Variants in SPATA13 observed in about 807,000 individuals in gnomAD.
SPATA13 encodes spermatogenesis-associated protein 13.
SPATA13 carries 50 observed loss-of-function variants against 104.0 expected under a neutral mutation model. The ratio of observed to expected loss-of-function variants is 0.48; its 90% CI spans 0.38 to 0.61. SPATA13 has a LOEUF of 0.61. Among genes scored for constraint, SPATA13 ranks in the 20% least tolerant of loss-of-function variants. The pLI is 0.00. For synonymous variants in SPATA13, 606 were observed against 667.5 expected (o/e 0.91, Z 1.42); for missense variants, 1,524 against 1,690.6 (o/e 0.90, Z 1.73).
intron 3 of SPATA13, among the ~76,000 whole-genome samples, chr13:24,106,623 A>G (rs548089873): frequency 3.9e-5 from 6 of 152,304 alleles, no homozygotes. Flanking sequence ...AGTACTGACA[A>G]TTCGGTGATT....
At chr13:24,092,432 T>C (rs7984719) in intron 3 of SPATA13, among the ~76,000 whole-genome samples, 12,772 of 152,238 alleles carry the variant, frequency 0.084, 584 homozygotes, top group African/African-American at 0.11. Flanking sequence ...ATAACTGGAA[T>C]AAAAAGAGAT....
At chr13:24,269,892 AT>A (rs201659647) in intron 4 of SPATA13, among the ~76,000 whole-genome samples, 87 of 142,804 alleles carry the variant, frequency 6.1e-4, no homozygotes, top group Non-Finnish European at 5.4e-4. Flanking sequence ...CCCAGACCTA[AT>A]TTTTTTTTTT....
chr13:24,247,478 C>CTTTTTTTT (rs10625714), intron 2 of SPATA13, among the ~76,000 whole-genome samples: 15,030 of 86,108 alleles, frequency 0.17, 3,555 homozygotes, highest in Admixed American at 0.24. Context: ...TCCACATTCA[C>CTTTTTTTT]TTTTTTTTTT....
intron 3 of SPATA13, among the ~76,000 whole-genome samples, chr13:24,044,016 C>T (rs77599100): frequency 6.6e-6 from 1 of 152,072 alleles, no homozygotes; most frequent in African/African-American, 2.4e-5. Context: ...TTGCTTTTCA[C>T]AGGGTGCTCT....
intron 3 of SPATA13, among the ~76,000 whole-genome samples, chr13:24,041,926 T>C (rs1877944195): frequency 6.6e-6 from 1 of 152,230 alleles, no homozygotes; most frequent in Non-Finnish European, 1.5e-5. Flanking sequence ...TTGGAATGTA[T>C]CTGACACACA....
intron 3 of SPATA13, among the ~76,000 whole-genome samples, chr13:24,134,925 T>A (rs936730951): frequency 1.3e-5 from 2 of 152,152 alleles, no homozygotes; most frequent in African/African-American, 2.4e-5. Context: ...TAAGGCGGGC[T>A]CCAATCCAAC....
chr13:24,170,920 A>G (rs1882942310), intron 1 of SPATA13, among the ~76,000 whole-genome samples: 2 of 151,982 alleles, frequency 1.3e-5, no homozygotes, highest in Non-Finnish European at 2.9e-5. Context: ...GATTGTTTTA[A>G]AAGAACTGGA....
intron 3 of SPATA13, among the ~76,000 whole-genome samples, chr13:24,047,474 G>A (rs1194608859): frequency 6.6e-6 from 1 of 152,204 alleles, no homozygotes; most frequent in Non-Finnish European, 1.5e-5. Flanking sequence ...GGAAGGGACT[G>A]TTACCGTCTT....
In SPATA13 at chr13:24,103,978, G is replaced by A. The variant is rs143305047; in HGVS notation, c.-112+86277G>A. Among the ~76,000 whole-genome samples, 309 of 152,270 alleles carry A rather than the reference G, an allele frequency of 2.0e-3. 1 individual carries two copies. The highest frequency in any genetic ancestry group is 7.3e-3 in the African/African-American group (302 of 41,548). On this transcript the variant is annotated intron_variant, in intron 3 of 14. Coordinates refer to the SPATA13 transcript ENST00000424834. ...CTGATTAGGAGTGACTCTAAGTAGG[G>A]CCGATTCCAGCACTTTCAATGCTTA... is the stretch of plus-strand genomic sequence containing the variant.
chr13:24,035,691 T>C (rs1177267002), intron 3 of SPATA13, among the ~76,000 whole-genome samples: 1 of 152,218 alleles, frequency 6.6e-6, no homozygotes, highest in African/African-American at 2.4e-5. Context: ...TTCAAACTCT[T>C]AGTCTCAGGA....
intron 3 of SPATA13, among the ~76,000 whole-genome samples, chr13:24,035,289 G>A (rs899910963): frequency 3.3e-5 from 5 of 152,094 alleles, no homozygotes; most frequent in African/African-American, 1.2e-4. Context: ...CGAGTAGCTG[G>A]GATTACAGGT....
intron 1 of SPATA13, among the ~76,000 whole-genome samples, chr13:24,209,803 T>C (rs892690381): frequency 6.6e-6 from 1 of 152,220 alleles, no homozygotes; most frequent in Non-Finnish European, 1.5e-5. Context: ...TGCTGTATCA[T>C]ATGGTAGTTC....
intron 3 of SPATA13, among the ~76,000 whole-genome samples, chr13:24,093,550 G>C (rs1177111129): frequency 6.6e-6 from 1 of 152,174 alleles, no homozygotes; most frequent in Non-Finnish European, 1.5e-5. Context: ...CAGCTGGAAA[G>C]ATCAGGCCCA....
At chr13:24,073,297 C>G (rs1296313124) in intron 3 of SPATA13, among the ~76,000 whole-genome samples, 4 of 152,218 alleles carry the variant, frequency 2.6e-5, no homozygotes, top group Non-Finnish European at 4.4e-5. Context: ...ACTGAGAAAA[C>G]TCACCATGCC....
chr13:24,085,418 C>T (rs1160209893), intron 3 of SPATA13, among the ~76,000 whole-genome samples: 7 of 152,164 alleles, frequency 4.6e-5, no homozygotes, highest in African/African-American at 1.4e-4. Context: ...TGAGCCACCG[C>T]GTCCAGCTTC....
intron 9 of SPATA13, among the ~76,000 whole-genome samples, 198 bp from the exon 10 acceptor site, chr13:24,294,541 C>G (rs1281213496): frequency 2.0e-5 from 3 of 152,200 alleles, no homozygotes; most frequent in Non-Finnish European, 2.9e-5. Context: ...CTGAATTGCA[C>G]TGGGTCAGCT....
Position 24,198,200 on chromosome 13 carries a change from G to A in SPATA13, c.-111-24619G>A, listed in dbSNP as rs142447773. Reference sequence around the variant, plus strand: ...AGTAGAGACGGGGTTTCACTGTGTTGGCCAGGCTGGTCTTGAACTCCTGAC... The same window carrying A: ...AGTAGAGACGGGGTTTCACTGTGTTAGCCAGGCTGGTCTTGAACTCCTGAC... On this transcript the variant is annotated intron_variant, in intron 1 of 12. Transcript: ENST00000382108. Among the ~76,000 whole-genome samples, 818 of 152,170 alleles carry A rather than the reference G, an allele frequency of 5.4e-3. 11 individuals are homozygous for A. The highest frequency in any genetic ancestry group is 0.013 in the African/African-American group (550 of 41,484).
In SPATA13 at chr13:24,302,517, T is replaced by A. The variant is rs1593521694; in HGVS notation, c.3659-81T>A. 10 of 526,496 alleles carry A rather than the reference T, an allele frequency of 1.9e-5. No individual in the cohort carries two copies. In the East Asian group the frequency reaches 2.8e-4, roughly 15 times the overall value. The allele number at this position is 526,496 out of a possible 1,614,324, so 32.6% of individuals were successfully genotyped here. ...ATTAGCTGAGAACTTGGACTTGGAGTCTCAGCATTTTTATTTTTTTCCTTT... is the reference window on the plus strand; with the variant it reads ...ATTAGCTGAGAACTTGGACTTGGAGACTCAGCATTTTTATTTTTTTCCTTT... On this transcript the variant is annotated intron_variant, in intron 12 of 12. Coordinates refer to ENST00000382108, the MANE Select transcript of SPATA13 (RefSeq NM_001166271.3).
intron 2 of SPATA13, among the ~76,000 whole-genome samples, chr13:24,228,491 C>T (rs1009384479): frequency 2.0e-5 from 3 of 152,144 alleles, no homozygotes; most frequent in African/African-American, 7.2e-5. Flanking sequence ...GCATCTTATA[C>T]ACTGGGAATG....
Sources: allele counts gnomAD v4.1 joint callset (sites outside exome capture counted in the v4.1 genomes callset), GRCh38; gene constraint gnomAD v4.1.1; transcripts MANE v1.5; gene names NCBI Gene and HGNC (gene_info 2026-07-23, HGNC 2026-07-21).